The following NUP153 variants were observed in gnomAD, a reference collection of about 807,000 sequenced individuals.
NUP153 encodes nuclear pore complex protein Nup153.
Under a neutral mutation model 134.6 loss-of-function variants are expected in NUP153, and 27 were observed. The observed-to-expected ratio is 0.20, with a 90% CI of 0.15 to 0.28. NUP153 has a LOEUF of 0.28. NUP153 is among the 10% of genes least tolerant of loss of function. The probability of loss-of-function intolerance (pLI) is 1.00; values close to 1 mark genes in which losing one functional copy is unlikely to be tolerated. For synonymous variants in NUP153, 640 were observed against 623.5 expected (o/e 1.03, Z -0.40); for missense variants, 1,821 against 1,731.3 (o/e 1.05, Z -0.92).
chr6:17,630,911 T>C (rs938984188), intron 17 of NUP153, among the ~76,000 whole-genome samples: 8 of 152,080 alleles, frequency 5.3e-5, no homozygotes, highest in Non-Finnish European at 1.2e-4. Flanking sequence ...AATGAAGTAC[T>C]TGACCTACTG....
chr6:17,697,830 C>T (rs980026329), intron 1 of NUP153, among the ~76,000 whole-genome samples: 10 of 149,558 alleles, frequency 6.7e-5, no homozygotes, highest in African/African-American at 2.5e-5. Context: ...TTCTATAACA[C>T]TAACTCAGAA....
chr6:17,682,424 G>A (rs980520851), intron 2 of NUP153, among the ~76,000 whole-genome samples: 7 of 152,096 alleles, frequency 4.6e-5, no homozygotes, highest in East Asian at 1.9e-4. Context: ...TTGCCTCATC[G>A]ACTGACTATT....
At chr6:17,630,355 A>G (rs1323197460) in intron 17 of NUP153, among the ~76,000 whole-genome samples, 2 of 152,214 alleles carry the variant, frequency 1.3e-5, no homozygotes, top group Non-Finnish European at 2.9e-5. Flanking sequence ...GAGTTGAAGC[A>G]ATGTTTATAA....
intron 11 of NUP153, among the ~76,000 whole-genome samples, chr6:17,650,051 G>C (rs1392577756): frequency 2.6e-5 from 4 of 152,122 alleles, no homozygotes; most frequent in Non-Finnish European, 5.9e-5. Context: ...ATGATCCCTA[G>C]ATAAAGAACA....
Position 17,629,114 on chromosome 6 carries a change from T to A in NUP153, c.3085A>T (p.Ile1029Phe). Reference sequence around the variant, plus strand: ...TTAGCAGGAGCAGGGGTGGAGTTAATAACACCTGTACCAAAGCTAAAACCT... The same window carrying A: ...TTAGCAGGAGCAGGGGTGGAGTTAAAAACACCTGTACCAAAGCTAAAACCT... ...SAGFSFGTGV[I>F]NSTPAPANTI... The change falls in exon 18 of 22, where the codon ATT becomes TTT. Residue 1029 changes from isoleucine (I) to phenylalanine (F), a missense_variant. Coordinates refer to ENST00000262077, the MANE Select transcript of NUP153 (RefSeq NM_005124.4). 1 of 1,614,184 alleles carries A rather than the reference T, an allele frequency of 6.2e-7. No individual in the cohort carries two copies. The highest frequency in any genetic ancestry group is 8.5e-7 in the Non-Finnish European group (1 of 1,180,024).
chr6:17,646,004 C>G (rs989907588), intron 14 of NUP153, 63 bp downstream of exon 14: 1 of 625,922 alleles, frequency 1.6e-6, no homozygotes, highest in Admixed American at 3.1e-5. Flanking sequence ...GTGAAAGAAG[C>G]TGAAATACTA....
At chr6:17,678,937 C>A in intron 2 of NUP153, among the ~76,000 whole-genome samples, 1 of 102,984 alleles carries the variant, frequency 9.7e-6, no homozygotes. Flanking sequence ...CAAAGCAAGA[C>A]TATCTCATTT....
At chr6:17,682,096 G>A (rs761501796) in intron 2 of NUP153, among the ~76,000 whole-genome samples, 39 of 152,152 alleles carry the variant, frequency 2.6e-4, no homozygotes, top group Non-Finnish European at 1.9e-4. Flanking sequence ...TGTAGTCCCA[G>A]CTACCTGGGA....
chr6:17,617,308 G>A (rs930590748), intron 20 of NUP153, among the ~76,000 whole-genome samples: 3 of 151,830 alleles, frequency 2.0e-5, no homozygotes, highest in African/African-American at 7.3e-5. Flanking sequence ...AAACAACAAG[G>A]GATTTTTACA....
chr6:17,699,511 A>T (rs1769908490), intron 1 of NUP153, among the ~76,000 whole-genome samples: 1 of 147,918 alleles, frequency 6.8e-6, no homozygotes, highest in Non-Finnish European at 1.5e-5. Context: ...AATACAAGAT[A>T]ATTACAATCT....
chr6:17,656,297 T>C (rs1238345325), intron 11 of NUP153, among the ~76,000 whole-genome samples: 5 of 152,236 alleles, frequency 3.3e-5, no homozygotes, highest in African/African-American at 9.6e-5. Flanking sequence ...CATTATAACT[T>C]CAGGGTGGAA....
At chr6:17,622,471 T>C (rs550921731) in intron 20 of NUP153, among the ~76,000 whole-genome samples, 27 of 152,152 alleles carry the variant, frequency 1.8e-4, no homozygotes, top group African/African-American at 5.3e-4. Flanking sequence ...TCTCAAAAAA[T>C]TTAAAAAAGG....
chr6:17,636,136 C>T (rs1765537160), intron 16 of NUP153, among the ~76,000 whole-genome samples: 1 of 152,146 alleles, frequency 6.6e-6, no homozygotes, highest in Non-Finnish European at 1.5e-5. Context: ...GAGTCCAAGA[C>T]CAGCCTGGCC....
Position 17,674,966 on chromosome 6 carries a change from G to C in NUP153, c.791C>G (p.Thr264Arg), listed in dbSNP as rs756605719. ...AGCAGCTGCTGCCCCACCGTATGTT[G>C]TTTTTCCAGGATAAAAAGGAGAATC... ...LGDSPFYPGK[T>R]TYGGAAAAVR... The change falls in exon 5 of 22, where the codon ACA becomes AGA. Residue 264 changes from threonine (T) to arginine (R), a missense_variant. Thr to Arg is a moderately conservative substitution (Grantham distance 71). Transcript: ENST00000262077. The C allele has an allele frequency of 6.2e-7, 1 of 1,613,618 alleles. No homozygotes were observed. Among genetic ancestry groups the C allele is most frequent in the Non-Finnish European group, 8.5e-7 (1 of 1,179,708 alleles).
chr6:17,618,772 T>C (rs1425655347), intron 20 of NUP153, among the ~76,000 whole-genome samples: 1 of 152,130 alleles, frequency 6.6e-6, no homozygotes, highest in African/African-American at 2.4e-5. Context: ...TTCACCGTGT[T>C]AGCCAGGATG....
At chr6:17,630,321 C>A (rs555847847) in intron 17 of NUP153, among the ~76,000 whole-genome samples, 1 of 152,202 alleles carries the variant, frequency 6.6e-6, no homozygotes, top group African/African-American at 2.4e-5. Context: ...AAAAGGAAGG[C>A]AACAGAAAAA....
At chr6:17,650,134 T>A (rs988742041) in intron 11 of NUP153, among the ~76,000 whole-genome samples, 4 of 152,040 alleles carry the variant, frequency 2.6e-5, no homozygotes, top group African/African-American at 9.7e-5. Flanking sequence ...TATGATAAAC[T>A]CTGGAAAAAA....
chr6:17,620,297 CAT>C (rs1764583838), intron 20 of NUP153, among the ~76,000 whole-genome samples: 1 of 152,004 alleles, frequency 6.6e-6, no homozygotes, highest in South Asian at 2.1e-4. Flanking sequence ...TAAAAAGACA[CAT>C]AGACCAATGG....
intron 11 of NUP153, among the ~76,000 whole-genome samples, chr6:17,659,529 C>A (rs1374228510): frequency 2.0e-5 from 3 of 152,122 alleles, no homozygotes; most frequent in Non-Finnish European, 4.4e-5. Flanking sequence ...CTGGAGTACA[C>A]TGGTGCAATC....
Sources: gnomAD v4.1 joint callset for allele counts (sites outside exome capture counted in the v4.1 genomes callset) on GRCh38, gnomAD v4.1.1 for gene constraint, MANE v1.5 for transcripts, NCBI Gene and HGNC (gene_info 2026-07-23, HGNC 2026-07-21) for gene names.